PTTG1IP: variants seen among roughly 807,000 people sequenced by gnomAD.
PTTG1IP encodes PTTG1 interacting protein, also known as pituitary tumor-transforming gene 1 protein-interacting protein.
In PTTG1IP, 16 loss-of-function variants were observed where a neutral mutation model predicts 24.4. That is an observed-to-expected ratio of 0.66 (90% confidence interval 0.44 to 1.00). The LOEUF is 1.00. PTTG1IP is among the 50% of genes least tolerant of loss of function. The pLI is 0.00. For missense variants in PTTG1IP, 241 were observed against 245.8 expected, an observed-to-expected ratio of 0.98 and a Z score of 0.13; for synonymous variants, 89 against 96.8, an observed-to-expected ratio of 0.92 and a Z score of 0.47.
rs1266961736 is a variant in PTTG1IP at position 44,851,349 on chromosome 21, TA to T, written c.*231del. 14 of 1,504,664 alleles carry T rather than the reference TA, an allele frequency of 9.3e-6. No individual in the cohort carries two copies. The highest frequency in any genetic ancestry group is 1.1e-5 in the Non-Finnish European group (12 of 1,123,430). The allele number at this position is 1,504,664 out of a possible 1,614,324, so 93.2% of individuals were successfully genotyped here. On this transcript the variant is annotated 3_prime_UTR_variant, in exon 6 of 6. Transcript: ENST00000330938. ...AAAAGCCCAAACCCCAAAGATTTCT[TA>T]TTTCAAGTGACTAAATCTAGAAACA...
intron 1 of PTTG1IP, among the ~76,000 whole-genome samples, chr21:44,870,450 T>C (rs2083575224): frequency 7.7e-6 from 1 of 130,252 alleles, no homozygotes; most frequent in Admixed American, 1.0e-4. Flanking sequence ...CACTTGAACC[T>C]GGGAGGCGGA....
At chr21:44,869,217 G>A (rs1353163537) in intron 1 of PTTG1IP, among the ~76,000 whole-genome samples, 3 of 152,178 alleles carry the variant, frequency 2.0e-5, no homozygotes, top group Non-Finnish European at 4.4e-5. Flanking sequence ...CAGGGGGTAG[G>A]GGAACAGGAC....
At chr21:44,860,448 A>T (rs550035274) in intron 3 of PTTG1IP, among the ~76,000 whole-genome samples, 6 of 126,200 alleles carry the variant, frequency 4.8e-5, no homozygotes, top group African/African-American at 2.1e-4. Flanking sequence ...AATCAAATAT[A>T]CAAAGATACG....
rs1401579956 is a variant in PTTG1IP at position 44,867,571 on chromosome 21, A to G, written c.116-2124T>C. Among the ~76,000 whole-genome samples, 4 of 152,202 alleles carry G rather than the reference A, an allele frequency of 2.6e-5. No individual in the cohort carries two copies. The East Asian group carries it at 7.7e-4, about 29-fold the overall frequency. ...AATGTATCTCAAAAGAAAAAACAAG[A>G]CAACTGCTGAACTCTGGTCCCTGAC... is the stretch of plus-strand genomic sequence containing the variant. On this transcript the variant is annotated intron_variant, in intron 1 of 5. Coordinates refer to ENST00000330938, the MANE Select transcript of PTTG1IP (RefSeq NM_004339.4).
At chr21:44,859,175 A>G (rs2083471761) in intron 3 of PTTG1IP, among the ~76,000 whole-genome samples, 1 of 152,338 alleles carries the variant, frequency 6.6e-6, no homozygotes, top group African/African-American at 2.4e-5. Flanking sequence ...TCTCGGGCAC[A>G]TGCTGAATAA....
chr21:44,870,525 C>CAACA (rs2083576039), intron 1 of PTTG1IP, among the ~76,000 whole-genome samples: 1 of 76,966 alleles, frequency 1.3e-5, no homozygotes, highest in Non-Finnish European at 2.4e-5. Context: ...GACTCCATCT[C>CAACA]AAAAAAAAAA....
intron 3 of PTTG1IP, among the ~76,000 whole-genome samples, chr21:44,858,187 C>T (rs1233812876): frequency 6.6e-6 from 1 of 152,228 alleles, no homozygotes; most frequent in Non-Finnish European, 1.5e-5. Flanking sequence ...ACGCTGTAGA[C>T]ATTTCATTTT....
Position 44,850,343 on chromosome 21 carries a change from C to T in PTTG1IP, c.*1238G>A, listed in dbSNP as rs2083402176. ...AGTGACTTCCCCGCACGCTGCTTTCCCTGCCACGAAGCGCTTGGTCTGCTT... is the reference window on the plus strand; with the variant it reads ...AGTGACTTCCCCGCACGCTGCTTTCTCTGCCACGAAGCGCTTGGTCTGCTT... On this transcript the variant is annotated 3_prime_UTR_variant, in exon 6 of 6. Coordinates refer to ENST00000330938, the MANE Select transcript of PTTG1IP (RefSeq NM_004339.4). The T allele has an allele frequency of 6.6e-6, 1 of 152,254 alleles. No individual in the cohort carries two copies. The allele number at this position is 152,254 out of a possible 1,614,324, so 9.4% of individuals were successfully genotyped here. A position where few individuals can be genotyped will look rare whatever the true frequency, so the allele number is the denominator to read the frequency against.
At chr21:44,851,656 T>C in intron 5 of PTTG1IP, 29 bp from the exon 6 acceptor site, 2 of 1,546,004 alleles carry the variant, frequency 1.3e-6, no homozygotes, top group Non-Finnish European at 8.8e-7. Flanking sequence ...GAATCATAAC[T>C]TCATTCATTC....
chr21:44,861,350 C>CGGG, intron 2 of PTTG1IP, 79 bp from the exon 3 acceptor site: 2 of 1,187,624 alleles, frequency 1.7e-6, no homozygotes, highest in Non-Finnish European at 2.4e-6. Context: ...CCACAGCCCG[C>CGGG]CAGTGCTGCC....
intron 5 of PTTG1IP, among the ~76,000 whole-genome samples, chr21:44,853,413 CAGA>C (rs1402857759): frequency 6.7e-6 from 1 of 149,070 alleles, no homozygotes; most frequent in Admixed American, 6.9e-5. Flanking sequence ...GAGGCTGAGG[CAGA>C]AGAATGGTGT....
chr21:44,865,306 A>T, intron 2 of PTTG1IP, 89 bp downstream of exon 2: 1 of 1,330,536 alleles, frequency 7.5e-7, no homozygotes, highest in Non-Finnish European at 1.1e-6. Context: ...CCCTCCACAC[A>T]TCCCAGCGAA....
Position 44,856,277 on chromosome 21 carries a change from C to T in PTTG1IP, c.365G>A (p.Arg122Lys). 1 of 1,614,224 alleles carries T rather than the reference C, an allele frequency of 6.2e-7. No homozygotes were observed. Among genetic ancestry groups the T allele is most frequent in the Non-Finnish European group, 8.5e-7 (1 of 1,180,032 alleles). The change falls in exon 4 of 6, where the codon AGG (arginine) becomes AAG (lysine). Residue 122 changes from arginine (R) to lysine (K), a missense_variant. Arg to Lys is a conservative substitution (Grantham distance 26, BLOSUM62 2). Transcript: ENST00000330938. Reference protein sequence around the residue: ...GIAICCCCCCRRKRSRKPDRS... With the variant: ...GIAICCCCCCKRKRSRKPDRS... ...GTCCGGCTTCCGGCTCCTCTTCCTC[C>T]TGCAGCAGCAGCAGCAGCAGATGGC...
At chr21:44,871,839 A>C (rs2083588839) in intron 1 of PTTG1IP, among the ~76,000 whole-genome samples, 1 of 152,198 alleles carries the variant, frequency 6.6e-6, no homozygotes. Context: ...AGTGAGAGAA[A>C]CAACAGTCCA....
intron 3 of PTTG1IP, among the ~76,000 whole-genome samples, chr21:44,859,008 C>T (rs183516): frequency 0.57 from 86,815 of 152,084 alleles, 27,064 homozygotes; most frequent in African/African-American, 0.83. Context: ...GCAACTCCAC[C>T]CCTACACTCC....
intron 5 of PTTG1IP, among the ~76,000 whole-genome samples, chr21:44,854,751 C>T (rs796589395): frequency 6.6e-6 from 1 of 152,208 alleles, no homozygotes; most frequent in Non-Finnish European, 1.5e-5. Context: ...AACAGAACGC[C>T]GAGGCTGGGC....
At chr21:44,861,011 C>T (rs2083486948) in intron 3 of PTTG1IP, 152 bp downstream of exon 3, 1 of 555,872 alleles carries the variant, frequency 1.8e-6, no homozygotes, top group South Asian at 2.0e-5. Flanking sequence ...ACCATGTTAG[C>T]CAGGATGGTC....
intron 3 of PTTG1IP, among the ~76,000 whole-genome samples, chr21:44,858,221 G>A (rs563749576): frequency 6.6e-6 from 1 of 152,324 alleles, no homozygotes; most frequent in African/African-American, 2.4e-5. Context: ...ATGTTTATCA[G>A]GCCATTACAA....
intron 5 of PTTG1IP, among the ~76,000 whole-genome samples, chr21:44,852,011 G>C (rs1358422742): frequency 1.3e-5 from 2 of 152,212 alleles, no homozygotes; most frequent in African/African-American, 4.8e-5. Flanking sequence ...TGGAATTAAG[G>C]CTACAGAAAG....
Sources: gnomAD v4.1 joint callset for allele counts (sites outside exome capture counted in the v4.1 genomes callset) on GRCh38, gnomAD v4.1.1 for gene constraint, MANE v1.5 for transcripts, NCBI Gene and HGNC (gene_info 2026-07-23, HGNC 2026-07-21) for gene names.